FRRS1L: variants seen among roughly 807,000 people sequenced by gnomAD.
The protein encoded by FRRS1L is DOMON domain-containing protein FRRS1L.
A neutral mutation model predicts 28.6 loss-of-function variants in FRRS1L; 22 were observed. The observed-to-expected ratio is 0.77, with a 90% CI of 0.55 to 1.10. FRRS1L has a LOEUF of 1.10. FRRS1L is among the 50% of genes least tolerant of loss of function. The pLI is 0.00. For synonymous variants in FRRS1L, 158 were observed against 151.4 expected, an observed-to-expected ratio of 1.04 and a Z score of -0.32; for missense variants, 380 against 386.9, an observed-to-expected ratio of 0.98 and a Z score of 0.15.
At chr9:109,163,817 G>A (rs1318341688) in intron 1 of FRRS1L, among the ~76,000 whole-genome samples, 1 of 152,164 alleles carries the variant, frequency 6.6e-6, no homozygotes, top group Admixed American at 6.5e-5. Flanking sequence ...ATAAGTCAAA[G>A]GCATTACCGG....
intron 4 of FRRS1L, chr9:109,138,571 T>G (rs145110419): frequency 6.6e-6 from 1 of 152,328 alleles, no homozygotes; most frequent in Admixed American, 6.5e-5. Context: ...AAAATCAAAC[T>G]TCTCAGGTTT....
chr9:109,153,428 G>A (rs1215309167), intron 1 of FRRS1L, among the ~76,000 whole-genome samples: 1 of 152,200 alleles, frequency 6.6e-6, no homozygotes, highest in East Asian at 1.9e-4. Flanking sequence ...TGCTGGGAGG[G>A]CAATGTGATA....
At chr9:109,165,179 G>C (rs572893470) in intron 1 of FRRS1L, among the ~76,000 whole-genome samples, 1 of 152,338 alleles carries the variant, frequency 6.6e-6, no homozygotes, top group South Asian at 2.1e-4. Context: ...TTCTTTTCCA[G>C]AGTGACAGAT....
At position 109,141,414 on chromosome 9, in the gene FRRS1L, G is replaced by A; in HGVS notation, c.638C>T (p.Pro213Leu). ...TCRFKRPVNV[P>L]RDETIVDLHL... ...CAGATCAACAATTGTTTCATCTCTG[G>A]GAACATTCACAGGGCGTTTAAATCT... Residue 213 changes from proline to leucine, a missense_variant, in exon 4 of 5, where the codon CCC becomes CTC. Coordinates refer to ENST00000561981, the MANE Select transcript of FRRS1L (RefSeq NM_014334.4). The A allele has an allele frequency of 6.2e-7, 1 of 1,614,000 alleles. No homozygotes were observed. The highest frequency in any genetic ancestry group is 8.5e-7 in the Non-Finnish European group (1 of 1,179,938).
rs1263702933 is a variant in FRRS1L at position 109,132,719 on chromosome 9, T to C, written c.*4736A>G. ...GCAGCCTGCAAGCTAAGAATGGTCT[T>C]TGGATTTTTTTAATGGCTTTCTGAA... is the stretch of plus-strand genomic sequence containing the variant. On this transcript the variant is annotated 3_prime_UTR_variant, in exon 5 of 5. Coordinates refer to ENST00000561981, the MANE Select transcript of FRRS1L (RefSeq NM_014334.4). The C allele has an allele frequency of 6.6e-6, 1 of 152,206 alleles. No individual in the cohort carries two copies. The highest frequency in any genetic ancestry group is 1.5e-5 in the Non-Finnish European group (1 of 68,034). The allele number at this position is 152,206 out of a possible 1,614,324, so 9.4% of individuals were successfully genotyped here.
At chr9:109,155,989 T>C (rs190103743) in intron 1 of FRRS1L, among the ~76,000 whole-genome samples, 2 of 152,308 alleles carry the variant, frequency 1.3e-5, no homozygotes, top group East Asian at 3.9e-4. Context: ...AATGGATGCT[T>C]GCATCCCATT....
chr9:109,140,044 C>G (rs778944510), intron 4 of FRRS1L: 2 of 152,212 alleles, frequency 1.3e-5, no homozygotes, highest in Non-Finnish European at 2.9e-5. Flanking sequence ...TTGATTTTAG[C>G]AGTCTCTAAA....
chr9:109,156,162 G>A (rs149563222), intron 1 of FRRS1L, among the ~76,000 whole-genome samples: 15 of 152,158 alleles, frequency 9.9e-5, no homozygotes, highest in East Asian at 7.7e-4. Flanking sequence ...TTCATTCACC[G>A]TATTTGTCAA....
In FRRS1L at chr9:109,167,170, CG is replaced by C; in HGVS notation, c.-33del. ...GCACAGATCCCGCAGCCAGGCCGCT[CG>C]GGCCGCAGCGGGGGCGCCGCGGGCG... On this transcript the variant is annotated 5_prime_UTR_variant, in exon 1 of 5. Transcript: ENST00000561981. 8.7e-7 allele frequency: 1 copy of C among 1,147,096 alleles called. No homozygotes were observed. Among genetic ancestry groups the C allele is most frequent in the Non-Finnish European group, 1.1e-6 (1 of 936,948 alleles). 71.1% of individuals were successfully genotyped at this position (1,147,096 alleles called of 1,614,324 possible). A position where few individuals can be genotyped will look rare whatever the true frequency, so the allele number is the denominator to read the frequency against.
chr9:109,164,545 T>A (rs1203764151), intron 1 of FRRS1L, among the ~76,000 whole-genome samples: 1 of 152,106 alleles, frequency 6.6e-6, no homozygotes, highest in East Asian at 1.9e-4. Flanking sequence ...ATTACAGGCG[T>A]GCACCACCAC....
intron 1 of FRRS1L, chr9:109,151,003 C>T (rs1831323988): frequency 6.6e-6 from 1 of 152,104 alleles, no homozygotes; most frequent in East Asian, 1.9e-4. Flanking sequence ...ATTTGTAATG[C>T]TACTTTTTTT....
intron 3 of FRRS1L, among the ~76,000 whole-genome samples, chr9:109,146,383 T>C (rs1831262423): frequency 6.6e-6 from 1 of 151,904 alleles, no homozygotes; most frequent in Non-Finnish European, 1.5e-5. Context: ...GTGTCTGAAA[T>C]GGGGGCAGTC....
intron 1 of FRRS1L, among the ~76,000 whole-genome samples, chr9:109,161,183 A>G (rs910573318): frequency 3.2e-5 from 4 of 124,500 alleles, no homozygotes; most frequent in African/African-American, 1.0e-4. Flanking sequence ...CTTGAGACAT[A>G]TGTGTTGAAC....
At position 109,149,665 on chromosome 9, in the gene FRRS1L, G is replaced by C. The variant is rs755962433; in HGVS notation, c.294C>G (p.Asp98Glu). Residue 98 changes from aspartate to glutamate, a missense_variant, in exon 2 of 5, where the codon GAC (aspartate) becomes GAG (glutamate). Coordinates refer to ENST00000561981, the MANE Select transcript of FRRS1L (RefSeq NM_014334.4). ...PVDPFAKIKV[D>E]DCGKTKGCFR... is the part of the protein sequence containing the mutation. ...AGCATCCCTTAGTTTTTCCACAGTCGTCCACTTTGATTTTGGCAAATGGAT... is the reference window on the plus strand; with the variant it reads ...AGCATCCCTTAGTTTTTCCACAGTCCTCCACTTTGATTTTGGCAAATGGAT... 2.5e-5 allele frequency: 41 copies of C among 1,613,024 alleles called. No individual in the cohort carries two copies. The highest frequency in any genetic ancestry group is 3.5e-5 in the Non-Finnish European group (41 of 1,179,168).
At chr9:109,143,229 C>T (rs964344698) in intron 3 of FRRS1L, among the ~76,000 whole-genome samples, 6 of 151,948 alleles carry the variant, frequency 3.9e-5, no homozygotes, top group Non-Finnish European at 7.4e-5. Context: ...GCAGGAGAGT[C>T]GCTTGAACCT....
chr9:109,165,337 T>G (rs1831534443), intron 1 of FRRS1L, among the ~76,000 whole-genome samples: 1 of 152,196 alleles, frequency 6.6e-6, no homozygotes, highest in Admixed American at 6.5e-5. Flanking sequence ...TGAACTTCTC[T>G]TTTTCTTTCC....
At chr9:109,150,638 G>A (rs779030196) in intron 1 of FRRS1L, 3 of 152,072 alleles carry the variant, frequency 2.0e-5, no homozygotes, top group Non-Finnish European at 4.4e-5. Flanking sequence ...TACCCAACTT[G>A]TCGCTAAATT....
chr9:109,143,714 T>G (rs946292291), intron 3 of FRRS1L, among the ~76,000 whole-genome samples: 10 of 151,922 alleles, frequency 6.6e-5, no homozygotes, highest in African/African-American at 2.4e-4. Flanking sequence ...AGGGCTTCAC[T>G]ATGTTGGCCA....
chr9:109,144,185 G>A (rs1564230186), intron 3 of FRRS1L, among the ~76,000 whole-genome samples: 1 of 152,130 alleles, frequency 6.6e-6, no homozygotes, highest in East Asian at 1.9e-4. Context: ...ATCTATCCAT[G>A]CAGTCTTACC....
Sources: gnomAD v4.1 joint callset for allele counts (sites outside exome capture counted in the v4.1 genomes callset) on GRCh38, gnomAD v4.1.1 for gene constraint, MANE v1.5 for transcripts, NCBI Gene and HGNC (gene_info 2026-07-23, HGNC 2026-07-21) for gene names.